The following CYP2E1 variants were observed in gnomAD, a reference collection of about 807,000 sequenced individuals.
The protein encoded by CYP2E1 is cytochrome P450 2E1.
A neutral mutation model predicts 42.9 loss-of-function variants in CYP2E1; 31 were observed. That is an observed-to-expected ratio of 0.72 (90% CI 0.54 to 0.98). The LOEUF (loss-of-function observed/expected upper bound fraction) is 0.98. Ranked by LOEUF, CYP2E1 falls within the 50% of genes least tolerant of loss-of-function variation. The pLI is 0.00. For synonymous variants in CYP2E1, 244 were observed against 248.9 expected (o/e 0.98, Z 0.19); for missense variants, 565 against 633.2 (o/e 0.89, Z 1.16).
chr10:133,529,974 G>C (rs1031305516), intron 2 of CYP2E1, among the ~76,000 whole-genome samples: 3 of 152,204 alleles, frequency 2.0e-5, no homozygotes, highest in Admixed American at 6.5e-5. Context: ...GAGGAGCTCA[G>C]TTCTGGTTCC....
intron 6 of CYP2E1, 56 bp downstream of exon 6, chr10:133,533,953 A>T: frequency 1.3e-6 from 2 of 1,589,332 alleles, no homozygotes; most frequent in Non-Finnish European, 1.7e-6. Flanking sequence ...CTGGATGGCC[A>T]GCCTTGCACA....
Position 133,538,919 on chromosome 10 carries a change from C to A in CYP2E1, c.1437C>A (p.Gly479=). 6.2e-7 allele frequency: 1 copy of A among 1,613,950 alleles called. No homozygotes were observed. The change falls in exon 9 of 9, where the codon GGC becomes GGA. Residue 479 remains glycine, a synonymous_variant. Coordinates refer to ENST00000252945, the MANE Select transcript of CYP2E1 (RefSeq NM_000773.4). ...TCAGCCCTATACATATTGGGTTTGG[C>A]TGTATCCCACCACGTTACAAACTCT... ...IDLSPIHIGF[G]CIPPRYKLCV...
chr10:133,532,702 A>C lies in CYP2E1; in HGVS notation c.659A>C (p.Asn220Thr), dbSNP rs769691101. The C allele has an allele frequency of 3.1e-6, 5 of 1,593,308 alleles. No individual in the cohort carries two copies. The highest frequency in any genetic ancestry group is 4.3e-6 in the Non-Finnish European group (5 of 1,174,028). ...LSTPWLQLYN[N>T]FPSFLHYLPG... Reference sequence around the variant, plus strand: ...TTTTTCCCTCTCTAGCTTTACAATAATTTTCCCAGCTTTCTACACTACTTG... The same window carrying C: ...TTTTTCCCTCTCTAGCTTTACAATACTTTTCCCAGCTTTCTACACTACTTG... The change falls in exon 5 of 9, where the codon AAT becomes ACT. Residue 220 changes from asparagine (N) to threonine (T), a missense_variant. Asn to Thr is a moderately conservative substitution (Grantham distance 65, BLOSUM62 0). Transcript: ENST00000252945.
chr10:133,532,645 A>G, intron 4 of CYP2E1, 47 bp from the exon 5 acceptor site: 3 of 1,472,312 alleles, frequency 2.0e-6, no homozygotes, highest in Non-Finnish European at 2.8e-6. Context: ...ACACACAATT[A>G]TGTTGCATCC....
At chr10:133,534,042 T>A in intron 6 of CYP2E1, 145 bp downstream of exon 6, 1 of 888,954 alleles carries the variant, frequency 1.1e-6, no homozygotes, top group Non-Finnish European at 1.7e-6. Context: ...TGCACTGCTG[T>A]GAGGGGAGGT....
At chr10:133,531,506 G>A (rs368123777) in intron 2 of CYP2E1, 79 bp from the exon 3 acceptor site, 5 of 1,518,908 alleles carry the variant, frequency 3.3e-6, no homozygotes, top group Non-Finnish European at 4.6e-6. Context: ...ATCCTGCCCT[G>A]CTCTCCAAGG....
chr10:133,537,371 A>G lies in CYP2E1; in HGVS notation c.1155+121A>G. The G allele has an allele frequency of 1.0e-5, 10 of 959,450 alleles. 1 individual carries two copies. The South Asian group carries it at 1.6e-4, about 16-fold the overall frequency. The allele number at this position is 959,450 out of a possible 1,614,324, so 59.4% of individuals were successfully genotyped here. On this transcript the variant is annotated intron_variant, in intron 7 of 8. Transcript: ENST00000252945. Reference sequence around the variant, plus strand: ...CCTTTGGCAGGGGTCACTGAGGGGAAGGGCTGGCCCCACTCCCACCCTGTG... The same window carrying G: ...CCTTTGGCAGGGGTCACTGAGGGGAGGGGCTGGCCCCACTCCCACCCTGTG...
At chr10:133,528,334 A>G (rs1356685491) in intron 1 of CYP2E1, 147 bp from the exon 2 acceptor site, 1 of 917,894 alleles carries the variant, frequency 1.1e-6, no homozygotes, top group Non-Finnish European at 1.6e-6. Flanking sequence ...GGTCTCCCCC[A>G]CCTCGGGCTG....
Position 133,531,673 on chromosome 10 carries a change from C to A in CYP2E1, c.426C>A (p.Gly142=). The A allele has an allele frequency of 1.2e-6, 2 of 1,613,116 alleles. No individual in the cohort carries two copies. Among genetic ancestry groups the A allele is most frequent in the Non-Finnish European group, 1.7e-6 (2 of 1,179,524 alleles). The change falls in exon 3 of 9, where the codon GGC becomes GGA. Residue 142 remains glycine (G), a synonymous_variant. Coordinates refer to ENST00000252945, the MANE Select transcript of CYP2E1 (RefSeq NM_000773.4). ...TLRNYGMGKQ[G]NESRIQREAH... is the part of the protein sequence containing the mutation. ...GGAACTATGGGATGGGGAAACAGGG[C>A]AATGAGAGCCGGATCCAGAGGGAGG... is the stretch of plus-strand genomic sequence containing the variant.
chr10:133,530,755 G>T (rs908093921), intron 2 of CYP2E1, among the ~76,000 whole-genome samples: 1 of 152,204 alleles, frequency 6.6e-6, no homozygotes, highest in African/African-American at 2.4e-5. Context: ...GAGCGAGGGA[G>T]AGAGGGGCTA....
intron 6 of CYP2E1, among the ~76,000 whole-genome samples, chr10:133,535,741 G>A (rs1851387516): frequency 6.6e-6 from 1 of 152,160 alleles, no homozygotes; most frequent in Non-Finnish European, 1.5e-5. Context: ...CTCTTAAAAA[G>A]AAAATGTGTT....
chr10:133,531,913 C>G lies in CYP2E1; in HGVS notation c.487+179C>G, dbSNP rs903593757. On this transcript the variant is annotated intron_variant, in intron 3 of 8. Coordinates refer to ENST00000252945, the MANE Select transcript of CYP2E1 (RefSeq NM_000773.4). ...GGTTCCAGCTACACAGTTCAGGGAG[C>G]AAGGGTGGCCATTAAACACGTGACT... is the stretch of plus-strand genomic sequence containing the variant. The G allele has an allele frequency of 7.8e-6, 6 of 770,168 alleles. No individual in the cohort carries two copies. In the African/African-American group the frequency reaches 1.1e-4, roughly 13 times the overall value. 47.7% of individuals were successfully genotyped at this position (770,168 alleles called of 1,614,324 possible).
At chr10:133,528,102 G>A in intron 1 of CYP2E1, 1 of 244,014 alleles carries the variant, frequency 4.1e-6, no homozygotes, top group Non-Finnish European at 8.0e-6. Flanking sequence ...GCGGGCGGGG[G>A]TCGCCTGCTC....
Position 133,538,939 on chromosome 10 carries a change from A to G in CYP2E1, c.1457A>G (p.Lys486Arg). 3.7e-6 allele frequency: 6 copies of G among 1,613,400 alleles called. No individual in the cohort carries two copies. Among genetic ancestry groups the G allele is most frequent in the Non-Finnish European group, 5.1e-6 (6 of 1,179,686 alleles). Residue 486 changes from lysine to arginine, a missense_variant, in exon 9 of 9, where the codon AAA (lysine) becomes AGA (arginine). Transcript: ENST00000252945. ...TTTGGCTGTATCCCACCACGTTACA[A>G]ACTCTGTGTCATTCCCCGCTCATGA... ...IGFGCIPPRY[K>R]LCVIPRS
At chr10:133,533,433 G>A (rs1194810225) in intron 5 of CYP2E1, among the ~76,000 whole-genome samples, 1 of 152,348 alleles carries the variant, frequency 6.6e-6, no homozygotes, top group East Asian at 1.9e-4. Flanking sequence ...CACTAGCCCT[G>A]TAGCAGGAGG....
At chr10:133,530,099 G>A (rs1249944435) in intron 2 of CYP2E1, among the ~76,000 whole-genome samples, 1 of 152,118 alleles carries the variant, frequency 6.6e-6, no homozygotes, top group African/African-American at 2.4e-5. Context: ...GCCTCTGCCT[G>A]GAGGGTCTAA....
In CYP2E1 at chr10:133,527,491, GC is replaced by G; in HGVS notation, c.101del (p.Pro34GlnfsTer17). ...WRQVHSSWNL[P>X]PGPFPLPIIG... ...GGCAGGTGCACAGCAGCTGGAATCT[GC>G]CCCCAGGCCCTTTCCCGCTTCCCAT... On this transcript the variant is annotated frameshift_variant, in exon 1 of 9. Coordinates refer to ENST00000252945, the MANE Select transcript of CYP2E1 (RefSeq NM_000773.4). LOFTEE classifies it high-confidence loss of function. 1 of 1,613,638 alleles carries G rather than the reference GC, an allele frequency of 6.2e-7. No homozygotes were observed. Among genetic ancestry groups the G allele is most frequent in the Non-Finnish European group, 8.5e-7 (1 of 1,179,968 alleles).
Position 133,532,732 on chromosome 10 carries a change from G to A in CYP2E1, c.689G>A (p.Gly230Glu), listed in dbSNP as rs1193278838. Residue 230 changes from glycine (G) to glutamate (E), a missense_variant, in exon 5 of 9, where the codon GGA (glycine) becomes GAA (glutamate). Gly to Glu is a moderately conservative substitution (Grantham distance 98). Coordinates refer to ENST00000252945, the MANE Select transcript of CYP2E1 (RefSeq NM_000773.4). ...CCCAGCTTTCTACACTACTTGCCTG[G>A]AAGCCACAGAAAAGTCATAAAAAAT... ...NFPSFLHYLP[G>E]SHRKVIKNVA... 6.2e-7 allele frequency: 1 copy of A among 1,611,258 alleles called. No homozygotes were observed. Among genetic ancestry groups the A allele is most frequent in the Non-Finnish European group, 8.5e-7 (1 of 1,179,220 alleles).
At chr10:133,528,678 A>G (rs763327329) in intron 2 of CYP2E1, 38 bp downstream of exon 2, 3 of 1,609,700 alleles carry the variant, frequency 1.9e-6, no homozygotes, top group East Asian at 2.2e-5. Flanking sequence ...GGGGGTGCAT[A>G]ACACGCCCCG....
Sources: gnomAD v4.1 joint callset for allele counts (sites outside exome capture counted in the v4.1 genomes callset) on GRCh38, gnomAD v4.1.1 for gene constraint, MANE v1.5 for transcripts, NCBI Gene and HGNC (gene_info 2026-07-23, HGNC 2026-07-21) for gene names.